FBXL4: variants seen among roughly 807,000 people sequenced by gnomAD.
FBXL4 encodes F-box/LRR-repeat protein 4.
A neutral mutation model predicts 58.9 loss-of-function variants in FBXL4; 40 were observed. The ratio of observed to expected loss-of-function variants is 0.68; its 90% CI spans 0.53 to 0.88. The LOEUF is 0.88. Ranked by LOEUF, FBXL4 falls within the 40% of genes least tolerant of loss-of-function variation. The pLI is 0.00. For missense variants in FBXL4, 676 were observed against 734.4 expected, an observed-to-expected ratio of 0.92 and a Z score of 0.92; for synonymous variants, 263 against 265.5, an observed-to-expected ratio of 0.99 and a Z score of 0.09.
chr6:98,908,947 T>C (rs1315579817), intron 5 of FBXL4, among the ~76,000 whole-genome samples: 1 of 152,224 alleles, frequency 6.6e-6, no homozygotes, highest in Admixed American at 6.5e-5. Context: ...TCAGGACTAA[T>C]ACTCCTCTAT....
At chr6:98,915,748 A>G (rs1562238874) in intron 5 of FBXL4, among the ~76,000 whole-genome samples, 1 of 152,216 alleles carries the variant, frequency 6.6e-6, no homozygotes. Context: ...ACCATTCAGG[A>G]CATAGACATG....
intron 7 of FBXL4, 145 bp from the exon 8 acceptor site, chr6:98,880,769 T>C: frequency 1.5e-6 from 1 of 661,124 alleles, no homozygotes; most frequent in East Asian, 2.8e-5. Context: ...ACAAATGCCA[T>C]TTAATGAGTC....
chr6:98,899,213 A>C, intron 7 of FBXL4, 55 bp downstream of exon 7: 1 of 1,591,054 alleles, frequency 6.3e-7, no homozygotes, highest in Non-Finnish European at 8.6e-7. Flanking sequence ...ACAGAAAACC[A>C]AATCTTCAGT....
chr6:98,884,871 T>TA (rs1214704728), intron 7 of FBXL4, among the ~76,000 whole-genome samples: 1 of 152,198 alleles, frequency 6.6e-6, no homozygotes, highest in Non-Finnish European at 1.5e-5. Context: ...TACCAGCGGT[T>TA]AGAGTGGTTT....
At chr6:98,884,642 C>G (rs1770970908) in intron 7 of FBXL4, among the ~76,000 whole-genome samples, 1 of 152,106 alleles carries the variant, frequency 6.6e-6, no homozygotes, top group African/African-American at 2.4e-5. Context: ...TTTTGATCTC[C>G]TGCAATTACA....
intron 7 of FBXL4, chr6:98,897,076 T>G (rs967349179): frequency 1.0e-6 from 1 of 983,426 alleles, no homozygotes; most frequent in Non-Finnish European, 1.2e-6. Context: ...GTTTTTACCC[T>G]ATTTTTCTTC....
intron 4 of FBXL4, among the ~76,000 whole-genome samples, chr6:98,921,714 T>C (rs1772589211): frequency 6.6e-6 from 1 of 152,200 alleles, no homozygotes; most frequent in Non-Finnish European, 1.5e-5. Flanking sequence ...CAACTGGATT[T>C]GGTAGCAAAT....
At chr6:98,937,550 T>C (rs902848618) in intron 1 of FBXL4, among the ~76,000 whole-genome samples, 3 of 152,096 alleles carry the variant, frequency 2.0e-5, no homozygotes, top group African/African-American at 7.2e-5. Context: ...GATCTTCATG[T>C]TGAGTAGGCT....
chr6:98,917,714 T>C lies in FBXL4; in HGVS notation c.518A>G (p.Glu173Gly). 6.3e-7 allele frequency: 1 copy of C among 1,587,920 alleles called. No individual in the cohort carries two copies. The highest frequency in any genetic ancestry group is 8.5e-7 in the Non-Finnish European group (1 of 1,170,204). Reference sequence around the variant, plus strand: ...CGTAGGTCTCTCTGACCAAAGAATCTCCCATCTGCCAAAAAAAGAAACTTC... The same window carrying C: ...CGTAGGTCTCTCTGACCAAAGAATCCCCCATCTGCCAAAAAAAGAAACTTC... ...SPNPPAEVRW[E>G]ILWSERPTKV... Residue 173 changes from glutamate (E) to glycine (G), a missense_variant, in exon 5 of 10, where the codon GAG becomes GGG. Glu to Gly is a moderately conservative substitution (Grantham distance 98, BLOSUM62 -2). Transcript: ENST00000369244.
At chr6:98,892,571 C>T (rs1204484103) in intron 7 of FBXL4, among the ~76,000 whole-genome samples, 1 of 152,080 alleles carries the variant, frequency 6.6e-6, no homozygotes, top group African/African-American at 2.4e-5. Context: ...ATTCGTAGCA[C>T]TAAATTAAAT....
chr6:98,881,737 C>T (rs1204303290), intron 7 of FBXL4, among the ~76,000 whole-genome samples: 1 of 151,966 alleles, frequency 6.6e-6, no homozygotes, highest in Non-Finnish European at 1.5e-5. Context: ...TTGAGCATTT[C>T]TTTGAATTTA....
intron 4 of FBXL4, among the ~76,000 whole-genome samples, chr6:98,922,737 G>C (rs1203849349): frequency 6.6e-6 from 1 of 152,106 alleles, no homozygotes; most frequent in Non-Finnish European, 1.5e-5. Flanking sequence ...ACTCAGAATT[G>C]ACCAAGCTCT....
intron 7 of FBXL4, among the ~76,000 whole-genome samples, chr6:98,889,719 C>T (rs1582380807): frequency 1.4e-5 from 2 of 144,418 alleles, no homozygotes; most frequent in African/African-American, 5.1e-5. Context: ...ATTTCAAAAA[C>T]AGTTTTAGTT....
At position 98,871,699 on chromosome 6, in the gene FBXL4, C is replaced by A. The variant is rs528646932; in HGVS notation, c.*2579G>T. On this transcript the variant is annotated 3_prime_UTR_variant, in exon 10 of 10. Coordinates refer to ENST00000369244, the MANE Select transcript of FBXL4 (RefSeq NM_001278716.2). ...TTTGATTCAATTTTGTATTACTGAA[C>A]TACTGGTAGCAATGGTGAACTTCAT... 6.6e-6 allele frequency: 1 copy of A among 152,314 alleles called. No individual in the cohort carries two copies. The highest frequency in any genetic ancestry group is 1.9e-4 in the East Asian group (1 of 5,188). The allele number at this position is 152,314 out of a possible 1,614,324, so 9.4% of individuals were successfully genotyped here. A position where few individuals can be genotyped will look rare whatever the true frequency, so the allele number is the denominator to read the frequency against.
Position 98,899,294 on chromosome 6 carries a change from G to A in FBXL4, c.1291C>T (p.Leu431Phe). The change falls in exon 7 of 10, where the codon CTT becomes TTT. Residue 431 changes from leucine (L) to phenylalanine (F), a missense_variant. Physicochemically the swap from Leu to Phe is conservative, Grantham distance 22. Transcript: ENST00000369244. ...TCTACTTTTGTTCGATAGAGAACAA[G>A]TCGTTTAAGGCTGCATAACTTGGCA... ...HIAKLCSLKR[L>F]VLYRTKVEQT... is the part of the protein sequence containing the mutation. 1 of 1,613,954 alleles carries A rather than the reference G, an allele frequency of 6.2e-7. No homozygotes were observed. Among genetic ancestry groups the A allele is most frequent in the Non-Finnish European group, 8.5e-7 (1 of 1,179,912 alleles).
chr6:98,891,870 T>A (rs1293212250), intron 7 of FBXL4, among the ~76,000 whole-genome samples: 1 of 152,190 alleles, frequency 6.6e-6, no homozygotes, highest in Admixed American at 6.5e-5. Context: ...TCCAGGTAGA[T>A]TTCTTACACC....
chr6:98,896,330 T>G (rs950725441), intron 7 of FBXL4, among the ~76,000 whole-genome samples: 2 of 152,038 alleles, frequency 1.3e-5, no homozygotes, highest in African/African-American at 4.8e-5. Flanking sequence ...ACAATGGAGG[T>G]GTTTACAGAT....
chr6:98,924,925 G>A (rs2128404522), intron 4 of FBXL4, among the ~76,000 whole-genome samples: 1 of 152,232 alleles, frequency 6.6e-6, no homozygotes, highest in Admixed American at 6.5e-5. Context: ...AATGAGAGCG[G>A]GAATTTTTAT....
chr6:98,940,716 T>C (rs1321414335), intron 1 of FBXL4, among the ~76,000 whole-genome samples: 2 of 152,162 alleles, frequency 1.3e-5, no homozygotes, highest in Non-Finnish European at 2.9e-5. Context: ...TTGCAAATGT[T>C]TTCTCCCAGT....
Sources: gnomAD v4.1 joint callset for allele counts (sites outside exome capture counted in the v4.1 genomes callset) on GRCh38, gnomAD v4.1.1 for gene constraint, MANE v1.5 for transcripts, NCBI Gene and HGNC (gene_info 2026-07-23, HGNC 2026-07-21) for gene names.